NDST4: variants seen among roughly 807,000 people sequenced by gnomAD.
The protein encoded by NDST4 is N-heparan sulfate sulfotransferase 4.
NDST4 carries 63 observed loss-of-function variants against 100.8 expected under a neutral mutation model. The observed-to-expected ratio is 0.62, with a 90% confidence interval of 0.51 to 0.77. NDST4 has a LOEUF of 0.77. Among genes scored for constraint, NDST4 ranks in the 30% least tolerant of loss-of-function variants. The pLI, the probability that NDST4 is intolerant of heterozygous loss-of-function variation, is 0.00. For synonymous variants in NDST4, 377 were observed against 361.8 expected, an observed-to-expected ratio of 1.04 and a Z score of -0.48; for missense variants, 943 against 1,018.4, an observed-to-expected ratio of 0.93 and a Z score of 1.01.
intron 2 of NDST4, among the ~76,000 whole-genome samples, chr4:115,036,579 C>T (rs1728237485): frequency 6.6e-6 from 1 of 151,776 alleles, no homozygotes; most frequent in South Asian, 2.1e-4. Context: ...GGTGATAATT[C>T]TGACACAAGA....
chr4:115,106,117 G>T (rs893562145), intron 1 of NDST4, among the ~76,000 whole-genome samples: 4 of 152,168 alleles, frequency 2.6e-5, no homozygotes, highest in Admixed American at 6.6e-5. Flanking sequence ...GGAACAGTGT[G>T]GGGGTAGGGC....
intron 4 of NDST4, among the ~76,000 whole-genome samples, chr4:114,959,789 TG>T (rs1353470223): frequency 2.0e-5 from 3 of 152,060 alleles, no homozygotes; most frequent in African/African-American, 7.2e-5. Flanking sequence ...CTCAAAGAAA[TG>T]TGGGACACTA....
At chr4:115,019,170 T>A (rs1328101832) in intron 2 of NDST4, among the ~76,000 whole-genome samples, 3 of 152,110 alleles carry the variant, frequency 2.0e-5, no homozygotes, top group Non-Finnish European at 4.4e-5. Flanking sequence ...TTTTAATACA[T>A]ATTGTAAACA....
rs552467487 is a variant in NDST4 at position 114,881,653 on chromosome 4, G to A, written c.1537-10703C>T. ...CCAATGAGAAGCCAGTTATAGGTCT[G>A]GAGGGAGAGGACAGCTGAATTCTTC... On this transcript the variant is annotated intron_variant, in intron 6 of 13. Transcript: ENST00000264363. Among the ~76,000 whole-genome samples the A allele has an allele frequency of 1.4e-3, 212 of 152,170 alleles. 1 individual carries two copies. Among genetic ancestry groups the A allele is most frequent in the Admixed American group, 4.9e-3 (74 of 15,234 alleles).
At position 114,827,950 on chromosome 4, in the gene NDST4, A is replaced by G; in HGVS notation, c.2500-15T>C. 6.3e-7 allele frequency: 1 copy of G among 1,579,312 alleles called. No individual in the cohort carries two copies. The highest frequency in any genetic ancestry group is 1.2e-5 in the South Asian group (1 of 84,594). On this transcript the variant is annotated splice_polypyrimidine_tract_variant and intron_variant, in intron 13 of 13. Transcript: ENST00000264363. ...AACGTTCTAGACTGGAAAGAAAAAA[A>G]GAAGAACTTGAAAGAAGCTCTTTGT... is the stretch of plus-strand genomic sequence containing the variant.
chr4:115,104,624 C>A (rs1024660621), intron 1 of NDST4, among the ~76,000 whole-genome samples: 1 of 151,926 alleles, frequency 6.6e-6, no homozygotes, highest in African/African-American at 2.4e-5. Flanking sequence ...GTATGTTTTC[C>A]TGAAAATTTT....
intron 6 of NDST4, among the ~76,000 whole-genome samples, chr4:114,879,211 A>G (rs1339000296): frequency 6.6e-6 from 1 of 152,172 alleles, no homozygotes; most frequent in Non-Finnish European, 1.5e-5. Context: ...TTTGAAATAT[A>G]CAATACATTA....
chr4:115,043,660 A>G (rs1728401113), intron 2 of NDST4, among the ~76,000 whole-genome samples: 2 of 152,130 alleles, frequency 1.3e-5, no homozygotes, highest in South Asian at 4.1e-4. Flanking sequence ...GTATGACTGT[A>G]GAAAAGCTAC....
chr4:114,981,525 G>GA (rs576802020), intron 2 of NDST4, among the ~76,000 whole-genome samples: 8 of 152,078 alleles, frequency 5.3e-5, no homozygotes, highest in Non-Finnish European at 8.8e-5. Flanking sequence ...CACATGAAAT[G>GA]AATCACCAGC....
intron 2 of NDST4, among the ~76,000 whole-genome samples, chr4:115,074,826 C>T (rs552858859): frequency 7.9e-5 from 12 of 152,218 alleles, no homozygotes; most frequent in African/African-American, 2.6e-4. Flanking sequence ...CCAAAAACGT[C>T]GATAACATCT....
At chr4:114,932,502 TG>T (rs1435458835) in intron 6 of NDST4, among the ~76,000 whole-genome samples, 1 of 151,744 alleles carries the variant, frequency 6.6e-6, no homozygotes, top group East Asian at 1.9e-4. Context: ...CCAGAGAAAC[TG>T]GGCAAGAGAA....
intron 2 of NDST4, among the ~76,000 whole-genome samples, chr4:115,043,812 G>T (rs1728404132): frequency 6.6e-6 from 1 of 152,064 alleles, no homozygotes; most frequent in South Asian, 2.1e-4. Flanking sequence ...ATGAAATAAA[G>T]AAGGGATATA....
chr4:115,019,895 C>T (rs1727771984), intron 2 of NDST4, among the ~76,000 whole-genome samples: 2 of 152,014 alleles, frequency 1.3e-5, no homozygotes, highest in Admixed American at 6.6e-5. Flanking sequence ...CACAAAGGCC[C>T]TCACCTCCAG....
Position 115,076,897 on chromosome 4 carries a change from G to C in NDST4, c.140C>G (p.Thr47Ser). The C allele has an allele frequency of 1.9e-6, 3 of 1,613,804 alleles. No homozygotes were observed. Among genetic ancestry groups the C allele is most frequent in the Non-Finnish European group, 2.5e-6 (3 of 1,179,866 alleles). ...GATGTCAGTGCATTCTGCTTCTGCA[G>C]TGGTTTCAATAAGTGTCATTTCCTG... ...YKQEMTLIET[T>S]AEAECTDIKI... The change falls in exon 2 of 14, where the codon ACT (threonine) becomes AGT (serine). Residue 47 changes from threonine to serine, a missense_variant. This residue lies in a region of NDST4 where 417 missense variants were observed against 384.2 expected (regional missense o/e 1.09). Coordinates refer to ENST00000264363, the MANE Select transcript of NDST4 (RefSeq NM_022569.3).
At chr4:115,019,662 A>G (rs970347947) in intron 2 of NDST4, among the ~76,000 whole-genome samples, 10 of 152,136 alleles carry the variant, frequency 6.6e-5, no homozygotes, top group Admixed American at 2.0e-4. Flanking sequence ...CCTGGTTTCA[A>G]TGGCCCCTCA....
chr4:114,924,765 G>C (rs1416477869), intron 6 of NDST4, among the ~76,000 whole-genome samples: 1 of 152,118 alleles, frequency 6.6e-6, no homozygotes, highest in Non-Finnish European at 1.5e-5. Context: ...ATAAGACCTA[G>C]TGCTTGAAAA....
At chr4:115,093,184 A>G (rs779623201) in intron 1 of NDST4, among the ~76,000 whole-genome samples, 2 of 152,190 alleles carry the variant, frequency 1.3e-5, no homozygotes, top group Non-Finnish European at 2.9e-5. Flanking sequence ...TTTATAATAA[A>G]TTGGATAGAA....
At chr4:115,065,413 ATAGT>A (rs1327052424) in intron 2 of NDST4, among the ~76,000 whole-genome samples, 3 of 152,164 alleles carry the variant, frequency 2.0e-5, no homozygotes, top group Admixed American at 6.6e-5. Flanking sequence ...TTCAAGATAG[ATAGT>A]TCTGGGTTTG....
intron 2 of NDST4, among the ~76,000 whole-genome samples, chr4:115,000,235 A>G (rs1727256344): frequency 1.3e-5 from 2 of 151,604 alleles, no homozygotes; most frequent in East Asian, 3.9e-4. Context: ...GGTTCCAAAG[A>G]ATGATGAAAT....
Sources: allele counts gnomAD v4.1 joint callset (sites outside exome capture counted in the v4.1 genomes callset), GRCh38; gene constraint gnomAD v4.1.1; regional missense constraint gnomAD v4.1.1; transcripts MANE v1.5; gene names NCBI Gene and HGNC (gene_info 2026-07-23, HGNC 2026-07-21).